The following FOXN1 variants were observed in gnomAD, a reference collection of about 807,000 sequenced individuals.
The protein encoded by FOXN1 is forkhead box protein N1.
In FOXN1, 15 loss-of-function variants were observed where a neutral mutation model predicts 49.0. That is an observed-to-expected ratio of 0.31 (90% CI 0.20 to 0.47). The LOEUF (loss-of-function observed/expected upper bound fraction) is 0.47, where lower values mean the gene tolerates loss of function less well. Among genes scored for constraint, FOXN1 ranks in the 20% least tolerant of loss-of-function variants. FOXN1 has a pLI of 1.00. For missense variants in FOXN1, 800 were observed against 842.8 expected (o/e 0.95, Z 0.63); for synonymous variants, 356 against 369.0 (o/e 0.96, Z 0.40).
Position 28,534,602 on chromosome 17 carries a change from G to C in FOXN1, c.1135+64G>C. 1 of 1,377,300 alleles carries C rather than the reference G, an allele frequency of 7.3e-7. No individual in the cohort carries two copies. The highest frequency in any genetic ancestry group is 1.0e-6 in the Non-Finnish European group (1 of 994,076). 85.3% of individuals were successfully genotyped at this position (1,377,300 alleles called of 1,614,324 possible). On this transcript the variant is annotated intron_variant, in intron 7 of 8. Coordinates refer to ENST00000579795, the MANE Select transcript of FOXN1 (RefSeq NM_001369369.1). This position sits in a 1 kb window ranked among gnomAD's most constrained non-coding sequence, Gnocchi z 4.1. Reference sequence around the variant, plus strand: ...ACTCATGAGCCAAAAAAAAAAAAAAGAGAGAATCAGAGAATGAGGCAAGGC... The same window carrying C: ...ACTCATGAGCCAAAAAAAAAAAAAACAGAGAATCAGAGAATGAGGCAAGGC...
chr17:28,512,812 G>A (rs1235829001), intron 1 of FOXN1, among the ~76,000 whole-genome samples: 1 of 152,162 alleles, frequency 6.6e-6, no homozygotes, highest in Non-Finnish European at 1.5e-5. Flanking sequence ...GAGGGTGGAG[G>A]AGGCAGACCA....
rs763993084 is a variant in FOXN1, at chr17:28,537,969, G to A, written c.*533G>A. 1.4e-4 allele frequency: 23 copies of A among 163,286 alleles called. No individual in the cohort carries two copies. Among genetic ancestry groups the A allele is most frequent in the Admixed American group, 5.3e-4 (9 of 17,008 alleles). The allele number at this position is 163,286 out of a possible 1,614,324, so 10.1% of individuals were successfully genotyped here. A position where few individuals can be genotyped will look rare whatever the true frequency, so the allele number is the denominator to read the frequency against. ...CCTCGTCATTTTCTTTCCCAGAAGC[G>A]CCCTGTATTTATTCCCCCATCTTCA... On this transcript the variant is annotated 3_prime_UTR_variant, in exon 9 of 9. Coordinates refer to ENST00000579795, the MANE Select transcript of FOXN1 (RefSeq NM_001369369.1).
At chr17:28,519,187 T>C (rs1261267743) in intron 1 of FOXN1, among the ~76,000 whole-genome samples, 1 of 152,040 alleles carries the variant, frequency 6.6e-6, no homozygotes, top group African/African-American at 2.4e-5. Context: ...GCAGAGGGGC[T>C]GGGCGCGGTG....
intron 3 of FOXN1, among the ~76,000 whole-genome samples, chr17:28,525,191 GCT>G (rs2069740211): frequency 6.6e-6 from 1 of 152,072 alleles, no homozygotes. Context: ...GAAGCTGGCA[GCT>G]TCCCAGAGGC....
chr17:28,511,755 C>T (rs2069401282), intron 1 of FOXN1, among the ~76,000 whole-genome samples: 2 of 151,890 alleles, frequency 1.3e-5, no homozygotes, highest in African/African-American at 4.8e-5. Flanking sequence ...TGGGAAAGGA[C>T]CCTCCTGCAG....
At chr17:28,514,824 G>C (rs1250437105) in intron 1 of FOXN1, among the ~76,000 whole-genome samples, 1 of 152,138 alleles carries the variant, frequency 6.6e-6, no homozygotes, top group East Asian at 1.9e-4. Context: ...GTCTGTCCCT[G>C]TGATTCAGTT....
intron 1 of FOXN1, among the ~76,000 whole-genome samples, chr17:28,511,970 A>G (rs2069405424): frequency 6.6e-6 from 1 of 152,108 alleles, no homozygotes; most frequent in Non-Finnish European, 1.5e-5. Context: ...CCAATTACCT[A>G]CACAGCCCAC....
At chr17:28,523,136 A>C (rs982756600) in intron 1 of FOXN1, among the ~76,000 whole-genome samples, 1 of 152,214 alleles carries the variant, frequency 6.6e-6, no homozygotes, top group African/African-American at 2.4e-5. Context: ...TGATTGCAGA[A>C]GGTCTGAGCA....
At chr17:28,518,521 C>T (rs1013995119) in intron 1 of FOXN1, among the ~76,000 whole-genome samples, 2 of 152,170 alleles carry the variant, frequency 1.3e-5, no homozygotes, top group Non-Finnish European at 2.9e-5. Flanking sequence ...GTAATGATGA[C>T]TGTTGATCCT....
intron 1 of FOXN1, among the ~76,000 whole-genome samples, chr17:28,522,265 G>C (rs891951984): frequency 5.3e-5 from 8 of 152,238 alleles, no homozygotes; most frequent in African/African-American, 1.9e-4. Flanking sequence ...GCAAACTGTA[G>C]CATTTATCAG....
chr17:28,533,722 A>G (rs2069976429), intron 6 of FOXN1, among the ~76,000 whole-genome samples: 1 of 152,172 alleles, frequency 6.6e-6, no homozygotes, highest in South Asian at 2.1e-4. Flanking sequence ...ACATGCTCAT[A>G]CGCACTGTCC....
chr17:28,518,370 T>G (rs2069574374), intron 1 of FOXN1, among the ~76,000 whole-genome samples: 1 of 152,206 alleles, frequency 6.6e-6, no homozygotes, highest in Admixed American at 6.5e-5. Context: ...GCACAATGTC[T>G]CCTGGCTTCC....
intron 1 of FOXN1, among the ~76,000 whole-genome samples, chr17:28,518,157 C>T (rs902050465): frequency 6.6e-6 from 1 of 152,060 alleles, no homozygotes; most frequent in African/African-American, 2.4e-5. Context: ...ACATGGTACA[C>T]ACCTTCATAG....
intron 1 of FOXN1, among the ~76,000 whole-genome samples, chr17:28,513,402 AAAAC>A (rs1422439872): frequency 6.9e-6 from 1 of 144,576 alleles, no homozygotes; most frequent in Non-Finnish European, 1.5e-5. Context: ...ATAAAAAAAT[AAAAC>A]ATTCATCTAT....
rs548817079 is a variant in FOXN1 at position 28,535,014 on chromosome 17, G to T, written c.1443G>T (p.Leu481=). 321 of 1,613,730 alleles carry T rather than the reference G, an allele frequency of 2.0e-4. No individual in the cohort carries two copies. The South Asian group carries it at 3.4e-3, about 17-fold the overall frequency. ...CACAGCCGGACGGGCACCTTGAGCT[G>T]CGGGCCCAGCCAGGCACCCCCCAGG... ...LFPQPDGHLE[L]RAQPGTPQDS... is the part of the protein sequence containing the mutation. The change falls in exon 8 of 9, where the codon CTG becomes CTT. Residue 481 remains leucine (L), a synonymous_variant. Coordinates refer to ENST00000579795, the MANE Select transcript of FOXN1 (RefSeq NM_001369369.1).
At chr17:28,533,251 C>T (rs1246342012) in intron 6 of FOXN1, among the ~76,000 whole-genome samples, 1 of 152,114 alleles carries the variant, frequency 6.6e-6, no homozygotes, top group Non-Finnish European at 1.5e-5. Flanking sequence ...GCGAAGGAGC[C>T]CCACCGGCCA....
intron 1 of FOXN1, 80 bp from the exon 2 acceptor site, chr17:28,523,876 G>A: frequency 7.5e-7 from 1 of 1,328,214 alleles, no homozygotes; most frequent in Non-Finnish European, 1.1e-6. Flanking sequence ...CAAGGATGGG[G>A]TTGGGGTGGA....
chr17:28,510,352 A>G (rs1203011382), intron 1 of FOXN1, among the ~76,000 whole-genome samples: 4 of 151,818 alleles, frequency 2.6e-5, no homozygotes, highest in Admixed American at 1.3e-4. Context: ...ACACGCATAC[A>G]TATATACATA....
intron 1 of FOXN1, among the ~76,000 whole-genome samples, chr17:28,519,943 CA>C (rs1411128166): frequency 2.0e-5 from 3 of 152,126 alleles, no homozygotes; most frequent in African/African-American, 7.2e-5. Context: ...CCCCCACCCC[CA>C]TAACTCAGGC....
Sources: gnomAD v4.1 joint callset for allele counts (sites outside exome capture counted in the v4.1 genomes callset) on GRCh38, gnomAD v4.1.1 for gene constraint, Gnocchi (gnomAD v3.1) non-coding constraint, MANE v1.5 for transcripts, NCBI Gene and HGNC (gene_info 2026-07-23, HGNC 2026-07-21) for gene names.